FHIT: variants seen among roughly 807,000 people sequenced by gnomAD.
The protein encoded by FHIT is bis(5'-adenosyl)-triphosphatase.
Under a neutral mutation model 17.9 loss-of-function variants are expected in FHIT, and 19 were observed. The observed-to-expected ratio is 1.06, with a 90% CI of 0.74 to 1.56. The LOEUF (loss-of-function observed/expected upper bound fraction) is 1.56. Ranked by LOEUF, FHIT falls within the 40% of genes most tolerant of loss-of-function variation. The pLI is 0.00. For synonymous variants in FHIT, 81 were observed against 69.7 expected, an observed-to-expected ratio of 1.16 and a Z score of -0.81; for missense variants, 248 against 189.2, an observed-to-expected ratio of 1.31 and a Z score of -1.82.
At chr3:59,845,814 C>T (rs1437727777) in intron 8 of FHIT, among the ~76,000 whole-genome samples, 1 of 152,066 alleles carries the variant, frequency 6.6e-6, no homozygotes, top group Non-Finnish European at 1.5e-5. Flanking sequence ...TGTTCAAGTC[C>T]TCTGTTTTCT....
At chr3:60,307,991 C>A (rs1708760323) in intron 5 of FHIT, among the ~76,000 whole-genome samples, 1 of 152,184 alleles carries the variant, frequency 6.6e-6, no homozygotes, top group Non-Finnish European at 1.5e-5. Context: ...TGCTGACTCA[C>A]TGAATCCTCA....
chr3:60,611,164 C>G (rs2038773729), intron 4 of FHIT, among the ~76,000 whole-genome samples: 1 of 152,244 alleles, frequency 6.6e-6, no homozygotes, highest in South Asian at 2.1e-4. Flanking sequence ...ATTTATTTAA[C>G]AAATGTTTAT....
At chr3:59,819,472 A>T (rs1369984965) in intron 8 of FHIT, among the ~76,000 whole-genome samples, 1 of 152,196 alleles carries the variant, frequency 6.6e-6, no homozygotes, top group Non-Finnish European at 1.5e-5. Context: ...TCTTGAAAAA[A>T]AATTTAATTT....
Position 60,476,178 on chromosome 3 carries a change from C to T in FHIT, c.103+60682G>A, listed in dbSNP as rs1446701839. On this transcript the variant is annotated intron_variant, in intron 5 of 9. Coordinates refer to ENST00000492590, the MANE Select transcript of FHIT (RefSeq NM_002012.4). ...ACCATTTGCAAAGTTATTTAACGTACCTGAGCCTCAGTGTCCCTGAGTGTA... is the reference window on the plus strand; with the variant it reads ...ACCATTTGCAAAGTTATTTAACGTATCTGAGCCTCAGTGTCCCTGAGTGTA... Among the ~76,000 whole-genome samples the T allele has an allele frequency of 2.0e-5, 3 of 152,152 alleles. No homozygotes were observed. The South Asian group carries it at 6.2e-4, about 32-fold the overall frequency.
chr3:59,763,937 C>T (rs138929393), intron 8 of FHIT, among the ~76,000 whole-genome samples: 3 of 152,320 alleles, frequency 2.0e-5, no homozygotes, highest in East Asian at 3.9e-4. Flanking sequence ...ATGATTCTTT[C>T]AGTCACATCA....
At chr3:61,136,613 A>G (rs1484132307) in intron 2 of FHIT, among the ~76,000 whole-genome samples, 2 of 152,200 alleles carry the variant, frequency 1.3e-5, no homozygotes. Flanking sequence ...AAATAAAATG[A>G]CAATATTAAA....
intron 5 of FHIT, among the ~76,000 whole-genome samples, chr3:60,355,527 A>C (rs1323087250): frequency 6.6e-6 from 1 of 152,202 alleles, no homozygotes; most frequent in Non-Finnish European, 1.5e-5. Flanking sequence ...AAAAAATTTC[A>C]AAAGGCTGCA....
At chr3:60,266,412 G>A (rs1187922443) in intron 5 of FHIT, among the ~76,000 whole-genome samples, 1 of 152,036 alleles carries the variant, frequency 6.6e-6, no homozygotes, top group Non-Finnish European at 1.5e-5. Context: ...ATGAGAAACA[G>A]AAATGACTGC....
intron 2 of FHIT, among the ~76,000 whole-genome samples, chr3:61,155,245 G>A (rs2037501532): frequency 1.3e-5 from 2 of 152,202 alleles, no homozygotes; most frequent in South Asian, 2.1e-4. Context: ...TTTCATGGAT[G>A]AGCCCGCAGA....
intron 3 of FHIT, among the ~76,000 whole-genome samples, chr3:60,877,506 G>T (rs968647320): frequency 2.0e-5 from 3 of 152,186 alleles, no homozygotes; most frequent in East Asian, 1.9e-4. Flanking sequence ...CTGCTTCTAG[G>T]GGTCTGAGCC....
At chr3:61,225,729 T>C (rs1404466306) in intron 1 of FHIT, among the ~76,000 whole-genome samples, 2 of 152,248 alleles carry the variant, frequency 1.3e-5, no homozygotes, top group East Asian at 3.8e-4. Context: ...TAAGTGATTT[T>C]AAAGCTATCT....
At chr3:59,803,579 C>T (rs894954150) in intron 8 of FHIT, among the ~76,000 whole-genome samples, 6 of 152,340 alleles carry the variant, frequency 3.9e-5, no homozygotes, top group East Asian at 1.9e-4. Flanking sequence ...AGATGTCAGG[C>T]TTTTAAAGGG....
intron 2 of FHIT, among the ~76,000 whole-genome samples, chr3:61,124,433 G>A (rs2036550784): frequency 6.6e-6 from 1 of 152,134 alleles, no homozygotes; most frequent in Admixed American, 6.6e-5. Flanking sequence ...ACGGCTGGTG[G>A]TGGGATGGGG....
chr3:60,035,603 T>C (rs564277435), intron 5 of FHIT, among the ~76,000 whole-genome samples: 1 of 152,124 alleles, frequency 6.6e-6, no homozygotes, highest in African/African-American at 2.4e-5. Context: ...AGTTTGGGGG[T>C]AGAACATGGA....
chr3:60,690,685 A>C, intron 4 of FHIT: 1 of 468,228 alleles, frequency 2.1e-6, no homozygotes, highest in Admixed American at 2.4e-5. Context: ...CTCGCTATTG[A>C]CAGCAATGTC....
chr3:59,885,395 C>G (rs1485555628), intron 8 of FHIT, among the ~76,000 whole-genome samples: 3 of 151,104 alleles, frequency 2.0e-5, no homozygotes, highest in African/African-American at 7.3e-5. Flanking sequence ...AAAATGCCCT[C>G]AGAAACAGCC....
intron 8 of FHIT, among the ~76,000 whole-genome samples, chr3:59,772,351 G>C (rs145922055): frequency 6.6e-6 from 1 of 152,240 alleles, no homozygotes; most frequent in Non-Finnish European, 1.5e-5. Context: ...CTTTTCTGAA[G>C]GATTGCTGGG....
At chr3:60,420,632 CT>C (rs1422694348) in intron 5 of FHIT, among the ~76,000 whole-genome samples, 1 of 152,112 alleles carries the variant, frequency 6.6e-6, no homozygotes, top group Non-Finnish European at 1.5e-5. Context: ...CTGAGATTAA[CT>C]TTTCCTTTTT....
intron 2 of FHIT, among the ~76,000 whole-genome samples, chr3:61,077,695 CT>C (rs1450035391): frequency 6.6e-6 from 1 of 152,104 alleles, no homozygotes; most frequent in Admixed American, 6.5e-5. Flanking sequence ...TCTGGAAAGC[CT>C]TTTTCAAAGT....
Sources: allele counts gnomAD v4.1 joint callset (sites outside exome capture counted in the v4.1 genomes callset), GRCh38; gene constraint gnomAD v4.1.1; transcripts MANE v1.5; gene names NCBI Gene and HGNC (gene_info 2026-07-23, HGNC 2026-07-21).